The following RELT variants were observed in gnomAD, a reference collection of about 807,000 sequenced individuals.
The protein encoded by RELT is tumor necrosis factor receptor superfamily member 19L.
A neutral mutation model predicts 51.1 loss-of-function variants in RELT; 37 were observed. The ratio of observed to expected loss-of-function variants is 0.72; its 90% CI spans 0.56 to 0.95. The LOEUF (loss-of-function observed/expected upper bound fraction) is 0.95. RELT is among the 40% of genes least tolerant of loss of function. RELT has a pLI of 0.00. For missense variants in RELT, 535 were observed against 572.6 expected, an observed-to-expected ratio of 0.93 and a Z score of 0.67; for synonymous variants, 241 against 235.7, an observed-to-expected ratio of 1.02 and a Z score of -0.21.
chr11:73,392,184 C>A, intron 5 of RELT, 27 bp from the exon 6 acceptor site: 1 of 1,606,468 alleles, frequency 6.2e-7, no homozygotes, highest in Non-Finnish European at 8.5e-7. Flanking sequence ...CTGCTTTTGT[C>A]CTGCCTCCAT....
At position 73,396,747 on chromosome 11, in the gene RELT, C is replaced by G. The variant is rs1279115369; in HGVS notation, c.*1256C>G. 6.6e-6 allele frequency: 1 copy of G among 152,338 alleles called. No homozygotes were observed. Among genetic ancestry groups the G allele is most frequent in the Non-Finnish European group, 1.5e-5 (1 of 68,128 alleles). The allele number at this position is 152,338 out of a possible 1,614,324, so 9.4% of individuals were successfully genotyped here. A position where few individuals can be genotyped will look rare whatever the true frequency, so the allele number is the denominator to read the frequency against. On this transcript the variant is annotated 3_prime_UTR_variant, in exon 11 of 11. Coordinates refer to ENST00000064780, the MANE Select transcript of RELT (RefSeq NM_152222.2). ...TTGGGCACCGTGACAGGCTGCCCTC[C>G]CCTCACAGTTCCTGCACCTCAGCAG...
chr11:73,390,988 A>T, intron 4 of RELT, 67 bp downstream of exon 4: 1 of 1,579,278 alleles, frequency 6.3e-7, no homozygotes, highest in South Asian at 1.1e-5. Context: ...CTGGGGCCCC[A>T]GCCTTATTGT....
At chr11:73,378,334 GGGGTGGGGGACA>G (rs529944083) in intron 1 of RELT, among the ~76,000 whole-genome samples, 20 of 152,272 alleles carry the variant, frequency 1.3e-4, no homozygotes, top group South Asian at 1.0e-3. Flanking sequence ...TTACATTCTA[GGGGTGGGGGACA>G]GGGTGGGGGA....
Position 73,395,713 on chromosome 11 carries a change from C to A in RELT, c.*222C>A. On this transcript the variant is annotated 3_prime_UTR_variant, in exon 11 of 11. Transcript: ENST00000064780. ...GAGCAGGCTGAGCCCCGCCCCTGGC[C>A]CTGCTGCCATGTTGCTCCCCTGAAG... 1 of 583,304 alleles carries A rather than the reference C, an allele frequency of 1.7e-6. No homozygotes were observed. The highest frequency in any genetic ancestry group is 3.1e-6 in the Non-Finnish European group (1 of 326,290). The allele number at this position is 583,304 out of a possible 1,614,324, so 36.1% of individuals were successfully genotyped here. A position where few individuals can be genotyped will look rare whatever the true frequency, so the allele number is the denominator to read the frequency against.
intron 1 of RELT, among the ~76,000 whole-genome samples, chr11:73,379,805 G>T (rs1866023601): frequency 6.6e-6 from 1 of 152,186 alleles, no homozygotes; most frequent in Non-Finnish European, 1.5e-5. Flanking sequence ...CTGCCAGAGT[G>T]ACCTCCATAA....
At chr11:73,392,512 G>A (rs1398160471) in intron 6 of RELT, 44 bp downstream of exon 6, 2 of 1,586,294 alleles carry the variant, frequency 1.3e-6, no homozygotes, top group East Asian at 2.3e-5. Flanking sequence ...GGGGGCACGA[G>A]CCCAGCCCCA....
chr11:73,385,033 G>A (rs927563041), intron 1 of RELT, among the ~76,000 whole-genome samples: 2 of 152,000 alleles, frequency 1.3e-5, no homozygotes, highest in Non-Finnish European at 2.9e-5. Context: ...TGGTGGGGGC[G>A]CGTCACGACG....
chr11:73,392,702 C>T, intron 6 of RELT: 1 of 1,421,280 alleles, frequency 7.0e-7, no homozygotes, highest in Non-Finnish European at 9.2e-7. Flanking sequence ...GGATCCTACC[C>T]TGGGTGAAGC....
At chr11:73,391,054 G>C in intron 4 of RELT, 90 bp from the exon 5 acceptor site, 1 of 1,524,180 alleles carries the variant, frequency 6.6e-7, no homozygotes, top group Non-Finnish European at 9.1e-7. Context: ...CAGGACCACG[G>C]AGGGTGCCTG....
chr11:73,393,807 C>G, intron 6 of RELT, 30 bp from the exon 7 acceptor site: 1 of 1,609,566 alleles, frequency 6.2e-7, no homozygotes, highest in Non-Finnish European at 8.5e-7. Context: ...TCCCCCTCTT[C>G]CCCAGGATCA....
Position 73,378,072 on chromosome 11 carries a change from G to GGGGGAGAGT in RELT, c.-26+1582_-26+1590dup, listed in dbSNP as rs1174956629. 2.6e-4 allele frequency among the ~76,000 whole-genome samples: 39 copies of GGGGGAGAGT among 152,324 alleles called. No individual in the cohort carries two copies. The East Asian group carries it at 6.7e-3, about 26-fold the overall frequency. On this transcript the variant is annotated intron_variant, in intron 1 of 10. Coordinates refer to ENST00000064780, the MANE Select transcript of RELT (RefSeq NM_152222.2). ...TGTCCTTTCTTCAGTTCCTTGGGTT[G>GGGGGAGAGT]GGGGAGAGTGGGGAGAGACTTGTTC...
At position 73,395,514 on chromosome 11, in the gene RELT, C is replaced by T. The variant is rs751106718; in HGVS notation, c.*23C>T. On this transcript the variant is annotated 3_prime_UTR_variant, in exon 11 of 11. Transcript: ENST00000064780. ...TGAGGGGCGGTCTAGTCTAAGGACA[C>T]TGCGGCCCTGCCCTGGGAGGTTCCG... is the stretch of plus-strand genomic sequence containing the variant. The T allele has an allele frequency of 6.4e-6, 5 of 783,476 alleles. No homozygotes were observed. Among genetic ancestry groups the T allele is most frequent in the Non-Finnish European group, 9.5e-6 (4 of 420,442 alleles). The allele number at this position is 783,476 out of a possible 1,614,324, so 48.5% of individuals were successfully genotyped here. A position where few individuals can be genotyped will look rare whatever the true frequency, so the allele number is the denominator to read the frequency against.
At chr11:73,387,195 T>G (rs1866137677) in intron 1 of RELT, among the ~76,000 whole-genome samples, 1 of 152,142 alleles carries the variant, frequency 6.6e-6, no homozygotes, top group Admixed American at 6.5e-5. Context: ...CACCTGCCTC[T>G]GCCTCCCAAA....
rs141813904 is a variant in RELT at position 73,394,296 on chromosome 11, C to G, written c.767C>G (p.Thr256Arg). Residue 256 changes from threonine (T) to arginine (R), a missense_variant, in exon 8 of 11, where the codon ACG becomes AGG. Transcript: ENST00000064780. The surrounding 1 kb of genome is among the most constrained non-coding windows in gnomAD (Gnocchi z 4.9). ...KEYHSKQLVQ[T>R]SHRPVSKLPP... ...TACCACAGCAAACAGCTGGTGCAGA[C>G]GAGCCACAGGCCTGTGTCCAAGTGA... 2.5e-6 allele frequency: 4 copies of G among 1,611,302 alleles called. No individual in the cohort carries two copies.
At chr11:73,390,390 A>G (rs1169532619) in intron 2 of RELT, among the ~76,000 whole-genome samples, 161 bp from the exon 3 acceptor site, 1 of 152,034 alleles carries the variant, frequency 6.6e-6, no homozygotes, top group Non-Finnish European at 1.5e-5. Flanking sequence ...GGTTTTCCTC[A>G]GTGTGAGGGA....
chr11:73,389,188 TG>T lies in RELT; in HGVS notation c.45+11del. On this transcript the variant is annotated splice_region_variant and intron_variant, in intron 2 of 10. Coordinates refer to ENST00000064780, the MANE Select transcript of RELT (RefSeq NM_152222.2). ...CCTGTCCTGCTTCCTTATGGTGAGC[TG>T]GGGATGGGCCCTGGGAAGGAGAAAA... The T allele has an allele frequency of 6.5e-7, 1 of 1,541,156 alleles. No homozygotes were observed. Among genetic ancestry groups the T allele is most frequent in the Non-Finnish European group, 8.8e-7 (1 of 1,141,934 alleles).
At chr11:73,385,583 T>G (rs2134444089) in intron 1 of RELT, among the ~76,000 whole-genome samples, 1 of 152,110 alleles carries the variant, frequency 6.6e-6, no homozygotes, top group Non-Finnish European at 1.5e-5. Context: ...AAAACAGACG[T>G]CCCTGCCCTC....
chr11:73,378,797 C>T (rs1211800541), intron 1 of RELT, among the ~76,000 whole-genome samples: 2 of 152,246 alleles, frequency 1.3e-5, no homozygotes, highest in Non-Finnish European at 2.9e-5. Context: ...CCCCTGCCTT[C>T]TAGAGCCTGG....
At chr11:73,391,586 A>G (rs1315295342) in intron 5 of RELT, among the ~76,000 whole-genome samples, 1 of 152,212 alleles carries the variant, frequency 6.6e-6, no homozygotes, top group Non-Finnish European at 1.5e-5. Flanking sequence ...CAGGAGGATC[A>G]CTTTGAGACC....
Sources: allele counts gnomAD v4.1 joint callset (sites outside exome capture counted in the v4.1 genomes callset), GRCh38; gene constraint gnomAD v4.1.1; non-coding constraint Gnocchi (gnomAD v3.1); transcripts MANE v1.5; gene names NCBI Gene and HGNC (gene_info 2026-07-23, HGNC 2026-07-21).